Variants in EEIG1 observed in about 807,000 individuals in gnomAD.
The protein encoded by EEIG1 is early estrogen-induced gene 1 protein.
chr9:127,942,558 G>T, the EEIG1 span: 1 of 155,052 alleles, frequency 6.4e-6, no homozygotes. Context: ...GGGAGGCAGG[G>T]GTCTCGATCT....
the EEIG1 span, among the ~76,000 whole-genome samples, chr9:127,977,224 C>T: frequency 6.6e-6 from 1 of 152,248 alleles, no homozygotes; most frequent in Non-Finnish European, 1.5e-5. Context: ...CAGCCCCATT[C>T]AGGTTGCATG....
the EEIG1 span, among the ~76,000 whole-genome samples, chr9:127,963,478 C>T: frequency 6.6e-6 from 1 of 152,248 alleles, no homozygotes; most frequent in African/African-American, 2.4e-5. Context: ...TACAATTAGA[C>T]ATGTAAATCT....
At chr9:127,944,430 G>C in the EEIG1 span, 1 of 610,558 alleles carries the variant, frequency 1.6e-6, no homozygotes, top group Non-Finnish European at 2.9e-6. Flanking sequence ...CAGGCTCCCA[G>C]GTGAGGTGGT....
the EEIG1 span, among the ~76,000 whole-genome samples, chr9:127,952,499 T>C: frequency 1.3e-5 from 2 of 152,226 alleles, no homozygotes; most frequent in African/African-American, 4.8e-5. Flanking sequence ...CTTTGCCCAG[T>C]AGAAAAGCTC....
chr9:127,957,450 G>GAA, the EEIG1 span, among the ~76,000 whole-genome samples: 1 of 152,150 alleles, frequency 6.6e-6, no homozygotes, highest in Admixed American at 6.6e-5. Flanking sequence ...AAACATTGCT[G>GAA]AAAGACATTA....
the EEIG1 span, chr9:127,945,274 T>G: frequency 9.4e-7 from 1 of 1,058,942 alleles, no homozygotes; most frequent in Non-Finnish European, 1.3e-6. The surrounding 1 kb of genome is among the most constrained non-coding windows in gnomAD (Gnocchi z 6.5). Context: ...GGTGGGGACC[T>G]TACGGTCCCT....
chr9:127,942,275 T>G, the EEIG1 span: 4 of 152,604 alleles, frequency 2.6e-5, no homozygotes, highest in Non-Finnish European at 4.4e-5. Flanking sequence ...GAAAACCAGC[T>G]GCTCAGGACC....
the EEIG1 span, among the ~76,000 whole-genome samples, chr9:127,966,837 G>A: frequency 1.3e-5 from 2 of 152,340 alleles, no homozygotes; most frequent in African/African-American, 4.8e-5. Flanking sequence ...GACACTTGGG[G>A]AGTCCAGGCA....
the EEIG1 span, chr9:127,954,011 AT>A: frequency 6.5e-7 from 1 of 1,530,242 alleles, no homozygotes; most frequent in Non-Finnish European, 8.9e-7. Flanking sequence ...GGCACTCCCC[AT>A]TGGGACTGAG....
At chr9:127,966,562 G>A in the EEIG1 span, among the ~76,000 whole-genome samples, 3 of 152,166 alleles carry the variant, frequency 2.0e-5, no homozygotes, top group African/African-American at 7.2e-5. Context: ...GATGCCTTGA[G>A]CTACTGCCCA....
the EEIG1 span, among the ~76,000 whole-genome samples, chr9:127,956,538 G>A: frequency 6.6e-6 from 1 of 152,068 alleles, no homozygotes; most frequent in African/African-American, 2.4e-5. Flanking sequence ...AGCCTCCTGA[G>A]TAGCTGGGAT....
the EEIG1 span, chr9:127,942,792 C>A: frequency 3.8e-6 from 1 of 261,436 alleles, no homozygotes; most frequent in Middle Eastern, 1.4e-3. Flanking sequence ...TGAGTGGGGA[C>A]ACAGGTAGAG....
chr9:127,977,525 G>GC, the EEIG1 span, among the ~76,000 whole-genome samples: 1 of 152,114 alleles, frequency 6.6e-6, no homozygotes, highest in Non-Finnish European at 1.5e-5. Flanking sequence ...TCACACACAG[G>GC]CCCCCTGCTG....
At chr9:127,975,050 G>A in the EEIG1 span, among the ~76,000 whole-genome samples, 12 of 152,324 alleles carry the variant, frequency 7.9e-5, no homozygotes, top group Admixed American at 4.6e-4. Flanking sequence ...GGCCTCCCCC[G>A]GAGGTGGATT....
the EEIG1 span, among the ~76,000 whole-genome samples, chr9:127,962,263 A>G: frequency 6.6e-6 from 1 of 152,268 alleles, no homozygotes; most frequent in Non-Finnish European, 1.5e-5. Flanking sequence ...TTGCAAATGA[A>G]GGCCACCTCT....
At chr9:127,947,962 C>CA in the EEIG1 span, 1 of 1,285,730 alleles carries the variant, frequency 7.8e-7, no homozygotes, top group Non-Finnish European at 1.1e-6. Flanking sequence ...AACACCCTCC[C>CA]ACCATCACTC....
chr9:127,948,057 A>G, the EEIG1 span: 1 of 1,607,544 alleles, frequency 6.2e-7, no homozygotes, highest in Non-Finnish European at 8.5e-7. Context: ...GGGCGGACAG[A>G]TGAGGAACTG....
the EEIG1 span, among the ~76,000 whole-genome samples, chr9:127,971,144 A>G: frequency 4.6e-5 from 7 of 152,316 alleles, no homozygotes; most frequent in African/African-American, 1.7e-4. Flanking sequence ...CCTGAGCACC[A>G]GCCGGCCACC....
At chr9:127,960,287 T>G in the EEIG1 span, among the ~76,000 whole-genome samples, 1 of 151,962 alleles carries the variant, frequency 6.6e-6, no homozygotes, top group Non-Finnish European at 1.5e-5. Flanking sequence ...GGTAGAAAAC[T>G]AGTGCAGAGG....
Sources: allele counts gnomAD v4.1 joint callset (sites outside exome capture counted in the v4.1 genomes callset), GRCh38; gene constraint gnomAD v4.1.1; non-coding constraint Gnocchi (gnomAD v3.1); transcripts MANE v1.5; gene names NCBI Gene and HGNC (gene_info 2026-07-23, HGNC 2026-07-21).